MTMR11: variants seen among roughly 807,000 people sequenced by gnomAD.
MTMR11 encodes myotubularin related protein 11.
A neutral mutation model predicts 100.0 loss-of-function variants in MTMR11; 89 were observed. The observed-to-expected ratio is 0.89, with a 90% CI of 0.75 to 1.06. The LOEUF is 1.06. Among genes scored for constraint, MTMR11 ranks in the 50% least tolerant of loss-of-function variants. The pLI is 0.00. For missense variants in MTMR11, 809 were observed against 873.7 expected (o/e 0.93, Z 0.93); for synonymous variants, 336 against 326.3 (o/e 1.03, Z -0.32).
chr1:149,929,095 A>C lies in MTMR11; in HGVS notation c.*34T>G, dbSNP rs1553766715. 1.7e-5 allele frequency: 10 copies of C among 571,972 alleles called. No homozygotes were observed. In the South Asian group the frequency reaches 3.9e-4, roughly 22 times the overall value. The allele number at this position is 571,972 out of a possible 1,614,324, so 35.4% of individuals were successfully genotyped here. On this transcript the variant is annotated 3_prime_UTR_variant, in exon 17 of 17. Coordinates refer to ENST00000439741, the MANE Select transcript of MTMR11 (RefSeq NM_001145862.2). ...AGCTGAGGCTGCAAGTGCAGATACA[A>C]AAAAAAAAAAAAAAGATTAGACAGA...
chr1:149,935,337 T>A lies in MTMR11; in HGVS notation c.287A>T (p.Tyr96Phe). The A allele has an allele frequency of 1.2e-6, 2 of 1,611,776 alleles. No homozygotes were observed. The highest frequency in any genetic ancestry group is 1.7e-6 in the Non-Finnish European group (2 of 1,179,230). The change falls in exon 4 of 17, where the codon TAC becomes TTC. Residue 96 changes from tyrosine (Y) to phenylalanine (F), a missense_variant. Tyr to Phe is a conservative substitution (Grantham distance 22, BLOSUM62 3). Coordinates refer to ENST00000439741, the MANE Select transcript of MTMR11 (RefSeq NM_001145862.2). ...TCCAATGTTGACCAGGGCAAAATCGTATTCACTGTTCAAGGGAGTGTCCTA... is the reference window on the plus strand; with the variant it reads ...TCCAATGTTGACCAGGGCAAAATCGAATTCACTGTTCAAGGGAGTGTCCTA... ...WNQDTPLNSE[Y>F]DFALVNIGRL... is the part of the protein sequence containing the mutation.
chr1:149,934,733 G>A (rs963526607), intron 5 of MTMR11, among the ~76,000 whole-genome samples: 2 of 152,182 alleles, frequency 1.3e-5, no homozygotes. Flanking sequence ...TGATGATTCT[G>A]GGAGGAATCC....
rs782370057 is a variant in MTMR11 at position 149,935,144 on chromosome 1, A to C, written c.326-16T>G. 1 of 1,614,042 alleles carries C rather than the reference A, an allele frequency of 6.2e-7. No individual in the cohort carries two copies. Among genetic ancestry groups the C allele is most frequent in the African/African-American group, 1.3e-5 (1 of 75,026 alleles). On this transcript the variant is annotated splice_polypyrimidine_tract_variant and intron_variant, in intron 4 of 16. Coordinates refer to ENST00000439741, the MANE Select transcript of MTMR11 (RefSeq NM_001145862.2). ...AAGCCGCTCACTGAAGTCAAGAGGT[A>C]CAGAACAGTGTAACCATGGACCAGA...
chr1:149,934,356 A>G (rs1553768523), intron 6 of MTMR11, 30 bp from the exon 7 acceptor site: 2 of 1,613,990 alleles, frequency 1.2e-6, no homozygotes, highest in Non-Finnish European at 1.7e-6. Context: ...TAGAGGAGGA[A>G]GGAGAAAATC....
chr1:149,933,476 A>G lies in MTMR11; in HGVS notation c.915T>C (p.Thr305=), dbSNP rs782794136. 3.7e-6 allele frequency: 6 copies of G among 1,614,080 alleles called. No individual in the cohort carries two copies. The Admixed American group carries it at 6.7e-5, about 18-fold the overall frequency. The change falls in exon 10 of 17, where the codon ACT becomes ACC. Residue 305 remains threonine, a synonymous_variant. Transcript: ENST00000439741. The part of the protein sequence containing the change: ...AGHSDVVLVD[T]MDELPSLADV... Reference sequence around the variant, plus strand: ...CTGCAAGGCTGGGCAGCTCATCCATAGTGTCTACCAGGACAACATCTGAAT... The same window carrying G: ...CTGCAAGGCTGGGCAGCTCATCCATGGTGTCTACCAGGACAACATCTGAAT...
chr1:149,931,211 C>A, intron 13 of MTMR11, 49 bp downstream of exon 13: 1 of 1,609,278 alleles, frequency 6.2e-7, no homozygotes, highest in South Asian at 1.1e-5. Context: ...TTCTCATTCT[C>A]TTACTTCCTT....
intron 7 of MTMR11, 100 bp from the exon 8 acceptor site, chr1:149,934,042 AT>A: frequency 6.5e-7 from 1 of 1,543,202 alleles, no homozygotes; most frequent in Non-Finnish European, 8.9e-7. Context: ...ATTCCAAGGG[AT>A]TTCAGGTTTA....
intron 1 of MTMR11, 94 bp from the exon 2 acceptor site, chr1:149,936,323 C>G: frequency 6.4e-7 from 1 of 1,554,028 alleles, no homozygotes; most frequent in South Asian, 1.2e-5. Flanking sequence ...CACTCACACT[C>G]TCGGGGGAAA....
Position 149,936,421 on chromosome 1 carries a change from G to A in MTMR11, c.66+161C>T, listed in dbSNP as rs1315000457. The A allele has an allele frequency of 2.3e-5, 33 of 1,435,352 alleles. No homozygotes were observed. In the Admixed American group the frequency reaches 2.5e-4, roughly 11 times the overall value. The allele number at this position is 1,435,352 out of a possible 1,614,324, so 88.9% of individuals were successfully genotyped here. A position where few individuals can be genotyped will look rare whatever the true frequency, so the allele number is the denominator to read the frequency against. The stretch of plus-strand genomic sequence containing the variant: ...GCTGGTTAATGGATAATGAGACAAC[G>A]AACTTGAGACTGAGAAAGACGGACC... On this transcript the variant is annotated intron_variant, in intron 1 of 16. Transcript: ENST00000439741.
rs782024518 is a variant in MTMR11, at chr1:149,935,641, G to A, written c.207C>T (p.Thr69=). The change falls in exon 3 of 17, where the codon ACC becomes ACT. Residue 69 remains threonine, a synonymous_variant. Transcript: ENST00000439741. ...TGACCCTAAAGTTGGTACAGATCAGGGTTCCAGACAATTCTGGTTCCAGGC... is the reference window on the plus strand; with the variant it reads ...TGACCCTAAAGTTGGTACAGATCAGAGTTCCAGACAATTCTGGTTCCAGGC... ...RKGLEPELSG[T]LICTNFRVTF... is the part of the protein sequence containing the mutation. 20 of 1,614,084 alleles carry A rather than the reference G, an allele frequency of 1.2e-5. No individual in the cohort carries two copies. In the South Asian group the frequency reaches 2.2e-4, roughly 18 times the overall value.
rs782254870 is a variant in MTMR11 at position 149,928,897 on chromosome 1, T to C, written c.*232A>G. 6.2e-6 allele frequency: 10 copies of C among 1,614,030 alleles called. No individual in the cohort carries two copies. The Admixed American group carries it at 8.3e-5, about 13-fold the overall frequency. ...ATCTGGTTATCCAGAAGGGATGGGA[T>C]TGGCCTAAAAAAACCGATCAATTTC... On this transcript the variant is annotated 3_prime_UTR_variant, in exon 17 of 17. Transcript: ENST00000439741.
chr1:149,933,816 C>T, intron 8 of MTMR11, 39 bp downstream of exon 8: 1 of 1,609,578 alleles, frequency 6.2e-7, no homozygotes. Context: ...CCCACATGAC[C>T]CTCTAATCCA....
intron 15 of MTMR11, 61 bp from the exon 16 acceptor site, chr1:149,929,977 C>A: frequency 6.5e-7 from 1 of 1,535,430 alleles, no homozygotes; most frequent in Admixed American, 1.9e-5. Flanking sequence ...TTTCCCCAAT[C>A]TGGATCAGGA....
rs1296368031 is a variant in MTMR11 at position 149,929,835 on chromosome 1, G to A, written c.1729C>T (p.Pro577Ser). 1 of 1,614,064 alleles carries A rather than the reference G, an allele frequency of 6.2e-7. No individual in the cohort carries two copies. Among genetic ancestry groups the A allele is most frequent in the Non-Finnish European group, 8.5e-7 (1 of 1,180,024 alleles). Residue 577 changes from proline to serine, a missense_variant, in exon 16 of 17, where the codon CCT becomes TCT. Transcript: ENST00000439741. The stretch of plus-strand genomic sequence containing the variant: ...AGCAGGGAAGGACTGTCCCGCCAAG[G>A]ACAGAGCTGATTCAGGGGGGTCAAT... The part of the protein sequence containing the change: ...GALTPLNQLC[P>S]WRDSPSLLAV...
chr1:149,931,447 A>G (rs2092659938), intron 12 of MTMR11, 21 bp from the exon 13 acceptor site: 1 of 1,559,352 alleles, frequency 6.4e-7, no homozygotes, highest in African/African-American at 1.4e-5. Context: ...AAGAGGAAGA[A>G]GGGACAAAGA....
chr1:149,930,842 G>T lies in MTMR11; in HGVS notation c.1414C>A (p.Leu472Ile). The change falls in exon 14 of 17, where the codon CTT becomes ATT. Residue 472 changes from leucine (L) to isoleucine (I), a missense_variant. By Grantham distance (5) the Leu-to-Ile change is conservative (BLOSUM62 2). Transcript: ENST00000439741. Reference sequence around the variant, plus strand: ...CAGGGGGTATTTCTCAGGAAGGTAAGGGTGTCAGGAACCCTGACACTGTCA... The same window carrying T: ...CAGGGGGTATTTCTCAGGAAGGTAATGGTGTCAGGAACCCTGACACTGTCA... ...LHDSVRVPDT[L>I]TFLRNTPWER... The T allele has an allele frequency of 6.2e-7, 1 of 1,608,186 alleles. No individual in the cohort carries two copies. The highest frequency in any genetic ancestry group is 8.5e-7 in the Non-Finnish European group (1 of 1,177,824).
chr1:149,930,095 T>C, intron 15 of MTMR11, 179 bp from the exon 16 acceptor site: 1 of 735,946 alleles, frequency 1.4e-6, no homozygotes, highest in Non-Finnish European at 2.2e-6. Flanking sequence ...GCCTCGGGAC[T>C]GATTAAGGTT....
At position 149,929,879 on chromosome 1, in the gene MTMR11, C is replaced by A; in HGVS notation, c.1685G>T (p.Trp562Leu). The A allele has an allele frequency of 6.2e-7, 1 of 1,614,104 alleles. No homozygotes were observed. Among genetic ancestry groups the A allele is most frequent in the Non-Finnish European group, 8.5e-7 (1 of 1,179,998 alleles). Residue 562 changes from tryptophan to leucine, a missense_variant, in exon 16 of 17, where the codon TGG becomes TTG. Physicochemically the swap from Trp to Leu is moderately conservative, Grantham distance 61. Transcript: ENST00000439741. ...GGTCAATGCTCCTCTAGAGAAGAGC[C>A]ACACAGAACTGGGGGGTCCAGGAAC... ...FMVPGPPSSV[W>L]LFSRGALTPL...
Position 149,928,862 on chromosome 1 carries a change from A to ATG in MTMR11, c.*265_*266dup. 1 of 1,612,644 alleles carries ATG rather than the reference A, an allele frequency of 6.2e-7. No individual in the cohort carries two copies. Among genetic ancestry groups the ATG allele is most frequent in the Non-Finnish European group, 8.5e-7 (1 of 1,178,650 alleles). On this transcript the variant is annotated 3_prime_UTR_variant, in exon 17 of 17. Transcript: ENST00000439741. ...ACTGATGAACAGCATCTCTGATCTCATGATTTAACATCTGGTTATCCAGAA... is the reference window on the plus strand; with the variant it reads ...ACTGATGAACAGCATCTCTGATCTCATGTGATTTAACATCTGGTTATCCAGAA...
Sources: gnomAD v4.1 joint callset for allele counts (sites outside exome capture counted in the v4.1 genomes callset) on GRCh38, gnomAD v4.1.1 for gene constraint, MANE v1.5 for transcripts, NCBI Gene and HGNC (gene_info 2026-07-23, HGNC 2026-07-21) for gene names.